KCNT1: variants seen among roughly 807,000 people sequenced by gnomAD.
KCNT1 encodes potassium sodium-activated channel subfamily T member 1, also known as potassium channel subfamily T member 1.
A neutral mutation model predicts 147.8 loss-of-function variants in KCNT1; 78 were observed. That is an observed-to-expected ratio of 0.53 (90% confidence interval 0.44 to 0.64). The LOEUF is 0.64. Among genes scored for constraint, KCNT1 ranks in the 30% least tolerant of loss-of-function variants. KCNT1 has a pLI of 0.00. For synonymous variants in KCNT1, 867 were observed against 748.8 expected, an observed-to-expected ratio of 1.16 and a Z score of -2.58; for missense variants, 1,419 against 1,750.3, an observed-to-expected ratio of 0.81 and a Z score of 3.38.
intron 2 of KCNT1, among the ~76,000 whole-genome samples, chr9:135,742,182 G>A (rs1830599306): frequency 6.6e-6 from 1 of 152,222 alleles, no homozygotes; most frequent in South Asian, 2.1e-4. Flanking sequence ...TCCTATCGCA[G>A]GGAGCCTTGG....
Position 135,753,976 on chromosome 9 carries a change from G to C in KCNT1, c.474G>C (p.Ser158=). 6.2e-7 allele frequency: 1 copy of C among 1,614,072 alleles called. No homozygotes were observed. Among genetic ancestry groups the C allele is most frequent in the Non-Finnish European group, 8.5e-7 (1 of 1,179,978 alleles). Residue 158 remains serine, a synonymous_variant, in exon 5 of 31, where the codon TCG becomes TCC. Coordinates refer to ENST00000371757, the MANE Select transcript of KCNT1 (RefSeq NM_020822.3). ...AGCAGAACTACTCCTTCAATGACTC[G>C]TCCTCCGAGATCAACTGGTGAGTCC... ...CPKQNYSFND[S]SSEINWAPIL...
intron 11 of KCNT1, among the ~76,000 whole-genome samples, chr9:135,763,549 G>A (rs917551268): frequency 2.6e-5 from 4 of 152,112 alleles, no homozygotes; most frequent in African/African-American, 4.8e-5. Context: ...CTATCAGGCC[G>A]CTTTGGGGGA....
intron 1 of KCNT1, among the ~76,000 whole-genome samples, chr9:135,711,003 C>A (rs1365174579): frequency 6.6e-6 from 1 of 152,124 alleles, no homozygotes; most frequent in Non-Finnish European, 1.5e-5. Context: ...TCCTGCTCTC[C>A]ATGGTGCTCC....
intron 1 of KCNT1, among the ~76,000 whole-genome samples, chr9:135,704,459 G>A (rs963142311): frequency 3.3e-5 from 5 of 152,138 alleles, no homozygotes; most frequent in African/African-American, 4.8e-5. Flanking sequence ...GGGTCTTCAC[G>A]GGCCTCTGGC....
rs532646182 is a variant in KCNT1 at position 135,771,202 on chromosome 9, G to C, written c.2008+107G>C. ...TGGGATGGGAGACCAGGCAGGACAG[G>C]GGGAGGTGACCAGGTGGGACAGGAG... On this transcript the variant is annotated intron_variant, in intron 18 of 30. Transcript: ENST00000371757. 1.3e-4 allele frequency: 133 copies of C among 1,062,372 alleles called. No homozygotes were observed. The Middle Eastern group carries it at 1.8e-3, about 14-fold the overall frequency. The allele number at this position is 1,062,372 out of a possible 1,614,324, so 65.8% of individuals were successfully genotyped here. A position where few individuals can be genotyped will look rare whatever the true frequency, so the allele number is the denominator to read the frequency against.
rs1006946798 is a variant in KCNT1, at chr9:135,769,700, C to T, written c.1511-247C>T. ...AAGGCACAGGGGCCAGGGCCTGCCC[C>T]GCCCTGGAACTCCTCGCTGAGCTGG... is the stretch of plus-strand genomic sequence containing the variant. On this transcript the variant is annotated intron_variant, in intron 15 of 30. Transcript: ENST00000371757. 4.6e-5 allele frequency among the ~76,000 whole-genome samples: 7 copies of T among 152,206 alleles called. No individual in the cohort carries two copies. In the South Asian group the frequency reaches 6.2e-4, roughly 14 times the overall value.
At chr9:135,773,438 C>T (rs550373871) in intron 19 of KCNT1, among the ~76,000 whole-genome samples, 98 of 152,364 alleles carry the variant, frequency 6.4e-4, no homozygotes, top group South Asian at 3.5e-3. Flanking sequence ...GGGCACAGCC[C>T]GCCTGACCAG....
intron 2 of KCNT1, among the ~76,000 whole-genome samples, chr9:135,716,585 A>G (rs1285066509): frequency 1.3e-5 from 2 of 151,996 alleles, no homozygotes; most frequent in South Asian, 2.1e-4. Context: ...AACCACTGGG[A>G]CTCACTCCCC....
intron 24 of KCNT1, among the ~76,000 whole-genome samples, chr9:135,780,650 G>A (rs1208003465): frequency 2.6e-5 from 4 of 152,220 alleles, no homozygotes; most frequent in African/African-American, 7.2e-5. Context: ...CACAGGAGAG[G>A]GCTCTGTCTG....
intron 24 of KCNT1, among the ~76,000 whole-genome samples, chr9:135,780,869 T>C (rs1397364820): frequency 2.0e-5 from 3 of 152,238 alleles, no homozygotes; most frequent in African/African-American, 7.2e-5. Context: ...AGTCTGACCC[T>C]GTGTGGACAG....
In KCNT1 at chr9:135,715,440, C is replaced by G. The variant is rs577326006; in HGVS notation, c.254+720C>G. On this transcript the variant is annotated intron_variant, in intron 2 of 30. Coordinates refer to ENST00000371757, the MANE Select transcript of KCNT1 (RefSeq NM_020822.3). ...GCGCTTTTTTGCCTGCAAGTGAAGG[C>G]AAGTGCTCTGAGGACTCACGCGGAG... is the stretch of plus-strand genomic sequence containing the variant. Among the ~76,000 whole-genome samples, 10 of 151,986 alleles carry G rather than the reference C, an allele frequency of 6.6e-5. No homozygotes were observed. In the South Asian group the frequency reaches 8.3e-4, roughly 13 times the overall value.
At chr9:135,774,286 T>TC (rs1554776194) in intron 19 of KCNT1, among the ~76,000 whole-genome samples, 1 of 145,806 alleles carries the variant, frequency 6.9e-6, no homozygotes, top group African/African-American at 2.6e-5. Context: ...GTGTGGTGTG[T>TC]TGTGTGTGGT....
intron 11 of KCNT1, among the ~76,000 whole-genome samples, chr9:135,763,311 C>T (rs2131466707): frequency 6.6e-6 from 1 of 151,834 alleles, no homozygotes; most frequent in Middle Eastern, 3.4e-3. Context: ...TGCCCTTGGT[C>T]TCCACTGGGC....
intron 4 of KCNT1, chr9:135,751,914 C>T (rs1267858836): frequency 5.8e-6 from 1 of 171,938 alleles, no homozygotes; most frequent in African/African-American, 2.4e-5. Context: ...TGTCCTGCCT[C>T]CTGGTTTCCA....
chr9:135,709,132 G>A (rs1835376775), intron 1 of KCNT1, among the ~76,000 whole-genome samples: 1 of 152,226 alleles, frequency 6.6e-6, no homozygotes, highest in Admixed American at 6.5e-5. Context: ...TGTGGGGACA[G>A]TCTCTATATC....
At chr9:135,729,682 CTG>C (rs1836353164) in intron 2 of KCNT1, among the ~76,000 whole-genome samples, 2 of 152,226 alleles carry the variant, frequency 1.3e-5, no homozygotes, top group African/African-American at 2.4e-5. Context: ...GGTGGCCTCT[CTG>C]TGGGTGGTTC....
chr9:135,778,380 G>A, intron 21 of KCNT1, 44 bp from the exon 22 acceptor site: 1 of 1,531,690 alleles, frequency 6.5e-7, no homozygotes, highest in Non-Finnish European at 8.8e-7. Flanking sequence ...AGGAGGGCAG[G>A]CCTTGAAGCA....
chr9:135,758,816 T>G (rs1831697188), intron 10 of KCNT1, among the ~76,000 whole-genome samples: 1 of 152,236 alleles, frequency 6.6e-6, no homozygotes, highest in Admixed American at 6.5e-5. Flanking sequence ...AGGTGGGGTC[T>G]CTTGGCTGAG....
At chr9:135,788,660 T>A (rs944991649) in intron 29 of KCNT1, among the ~76,000 whole-genome samples, 2 of 152,090 alleles carry the variant, frequency 1.3e-5, no homozygotes, top group African/African-American at 4.8e-5. Context: ...GGGTGGGGAC[T>A]CCAAGCCACG....
Sources: gnomAD v4.1 joint callset for allele counts (sites outside exome capture counted in the v4.1 genomes callset) on GRCh38, gnomAD v4.1.1 for gene constraint, MANE v1.5 for transcripts, NCBI Gene and HGNC (gene_info 2026-07-23, HGNC 2026-07-21) for gene names.